Variants in AGBL4 observed in about 807,000 individuals in gnomAD.
The protein encoded by AGBL4 is AGBL carboxypeptidase 4, also known as cytosolic carboxypeptidase 6.
AGBL4 carries 58 observed loss-of-function variants against 66.4 expected under a neutral mutation model. The observed-to-expected ratio is 0.87, with a 90% CI of 0.71 to 1.09. The LOEUF (loss-of-function observed/expected upper bound fraction) is 1.09, where lower values mean the gene tolerates loss of function less well. Ranked by LOEUF, AGBL4 falls within the 50% of genes least tolerant of loss-of-function variation. The probability of loss-of-function intolerance (pLI) is 0.00; values close to 1 mark genes in which losing one functional copy is unlikely to be tolerated. For missense variants in AGBL4, 579 were observed against 631.0 expected (o/e 0.92, Z 0.88); for synonymous variants, 234 against 222.9 (o/e 1.05, Z -0.44).
At chr1:49,793,676 A>C (rs1317453240) in intron 2 of AGBL4, among the ~76,000 whole-genome samples, 2 of 152,064 alleles carry the variant, frequency 1.3e-5, no homozygotes. Flanking sequence ...CTATGATAAC[A>C]CAAGTGAAGA....
intron 3 of AGBL4, among the ~76,000 whole-genome samples, chr1:49,658,168 A>G (rs1023277739): frequency 6.6e-6 from 1 of 152,156 alleles, no homozygotes; most frequent in Non-Finnish European, 1.5e-5. Flanking sequence ...CAAGAAAAAA[A>G]CAAACAACCC....
chr1:49,315,312 A>C (rs1645020210), intron 3 of AGBL4, among the ~76,000 whole-genome samples: 1 of 152,192 alleles, frequency 6.6e-6, no homozygotes, highest in African/African-American at 2.4e-5. Context: ...CCTAGGCAAC[A>C]CCATTCAGGA....
intron 1 of AGBL4, among the ~76,000 whole-genome samples, chr1:49,960,946 C>T (rs1376414167): frequency 1.3e-5 from 2 of 151,996 alleles, no homozygotes; most frequent in African/African-American, 4.8e-5. Flanking sequence ...CTGTGAGCCA[C>T]ACTCAGTATT....
At chr1:49,108,557 G>A (rs1328203809) in intron 4 of AGBL4, among the ~76,000 whole-genome samples, 1 of 152,140 alleles carries the variant, frequency 6.6e-6, no homozygotes, top group East Asian at 1.9e-4. Flanking sequence ...GCAAGTAATG[G>A]TTCTGGAAGT....
At chr1:49,275,357 A>AC (rs1362875492) in intron 3 of AGBL4, among the ~76,000 whole-genome samples, 1 of 152,128 alleles carries the variant, frequency 6.6e-6, no homozygotes, top group African/African-American at 2.4e-5. Context: ...ACCAGTTTGT[A>AC]CAGGTATTAC....
At chr1:49,329,237 G>A (rs1473859942) in intron 3 of AGBL4, among the ~76,000 whole-genome samples, 1 of 152,250 alleles carries the variant, frequency 6.6e-6, no homozygotes, top group African/African-American at 2.4e-5. Flanking sequence ...AACCTGGGAG[G>A]TGGTGGGTGC....
At chr1:49,788,485 C>G (rs1254922324) in intron 2 of AGBL4, among the ~76,000 whole-genome samples, 2 of 146,278 alleles carry the variant, frequency 1.4e-5, no homozygotes, top group Non-Finnish European at 3.0e-5. Context: ...CTTTTGGAAA[C>G]AAAGAGCATA....
At chr1:49,165,326 C>G (rs2148149252) in intron 4 of AGBL4, among the ~76,000 whole-genome samples, 1 of 152,216 alleles carries the variant, frequency 6.6e-6, no homozygotes, top group South Asian at 2.1e-4. Flanking sequence ...AACATTCATT[C>G]AACATGGAAG....
chr1:49,189,564 G>A (rs532099374), intron 4 of AGBL4, among the ~76,000 whole-genome samples: 1 of 152,278 alleles, frequency 6.6e-6, no homozygotes, highest in South Asian at 2.1e-4. Flanking sequence ...TGAGAAAGCT[G>A]AGGCTCAGAG....
chr1:49,259,749 G>A (rs1269256829), intron 3 of AGBL4, among the ~76,000 whole-genome samples: 3 of 124,772 alleles, frequency 2.4e-5, no homozygotes, highest in South Asian at 6.2e-4. Context: ...ACAGATCAAC[G>A]AGACAGAAAG....
At chr1:48,524,711 G>A in the AGBL4 span, among the ~76,000 whole-genome samples, 1 of 152,098 alleles carries the variant, frequency 6.6e-6, no homozygotes, top group Admixed American at 6.5e-5. Flanking sequence ...ACAAACTTAT[G>A]CATTTTCACA....
At chr1:49,076,812 G>A (rs1477771107) in intron 4 of AGBL4, among the ~76,000 whole-genome samples, 2 of 152,086 alleles carry the variant, frequency 1.3e-5, no homozygotes, top group African/African-American at 4.8e-5. Context: ...GGTCCTCATT[G>A]TTGCCATTCA....
At chr1:48,804,361 T>G (rs986937874) in intron 6 of AGBL4, among the ~76,000 whole-genome samples, 2 of 152,238 alleles carry the variant, frequency 1.3e-5, no homozygotes, top group Non-Finnish European at 2.9e-5. Flanking sequence ...TCAAGGTCCC[T>G]GCATACCTCC....
intron 6 of AGBL4, among the ~76,000 whole-genome samples, chr1:48,856,317 T>A (rs1647150633): frequency 6.6e-6 from 1 of 152,216 alleles, no homozygotes; most frequent in Admixed American, 6.5e-5. Context: ...TGATTGCAAT[T>A]ATGTAAATAT....
chr1:49,237,761 A>G (rs1368880558), intron 4 of AGBL4, among the ~76,000 whole-genome samples: 1 of 151,986 alleles, frequency 6.6e-6, no homozygotes, highest in East Asian at 1.9e-4. Flanking sequence ...AAACACAGAA[A>G]AAAAGGTCTA....
chr1:48,880,365 A>G (rs752213580), intron 5 of AGBL4, among the ~76,000 whole-genome samples: 1 of 152,168 alleles, frequency 6.6e-6, no homozygotes, highest in African/African-American at 2.4e-5. Flanking sequence ...CCACTCATTA[A>G]TTGATGGTCA....
chr1:49,694,224 C>T (rs192677520), intron 3 of AGBL4, among the ~76,000 whole-genome samples: 209 of 151,840 alleles, frequency 1.4e-3, no homozygotes, highest in Non-Finnish European at 2.0e-3. Flanking sequence ...CTCATTTTAA[C>T]GGAAATTTGA....
chr1:49,799,305 CAG>C (rs2147944459), intron 2 of AGBL4, among the ~76,000 whole-genome samples: 1 of 152,224 alleles, frequency 6.6e-6, no homozygotes, highest in Admixed American at 6.5e-5. Flanking sequence ...AAAAAATCCA[CAG>C]ACTCAGCTCT....
chr1:49,123,461 C>T (rs1645702381), intron 4 of AGBL4, among the ~76,000 whole-genome samples: 1 of 152,140 alleles, frequency 6.6e-6, no homozygotes, highest in Non-Finnish European at 1.5e-5. Context: ...ATTTCATACA[C>T]ATTTTGAGAT....
Sources: allele counts gnomAD v4.1 joint callset (sites outside exome capture counted in the v4.1 genomes callset), GRCh38; gene constraint gnomAD v4.1.1; transcripts MANE v1.5; gene names NCBI Gene and HGNC (gene_info 2026-07-23, HGNC 2026-07-21).